The following RAB38 variants were observed in gnomAD, a reference collection of about 807,000 sequenced individuals.
The protein encoded by RAB38 is ras-related protein Rab-38.
In RAB38, 15 loss-of-function variants were observed where a neutral mutation model predicts 18.4. That is an observed-to-expected ratio of 0.82 (90% CI 0.55 to 1.26). The LOEUF is 1.26. Among genes scored for constraint, RAB38 ranks in the 50% most tolerant of loss-of-function variants. RAB38 has a pLI of 0.00. For synonymous variants in RAB38, 101 were observed against 104.4 expected (o/e 0.97, Z 0.20); for missense variants, 294 against 267.4 (o/e 1.10, Z -0.69).
intron 2 of RAB38, among the ~76,000 whole-genome samples, chr11:88,149,432 A>C (rs961756140): frequency 9.9e-5 from 15 of 152,230 alleles, no homozygotes; most frequent in African/African-American, 3.4e-4. Flanking sequence ...ATAGTTATCA[A>C]CTATTACTAT....
At chr11:88,027,653 G>T in the RAB38 span, among the ~76,000 whole-genome samples, 1 of 150,038 alleles carries the variant, frequency 6.7e-6, no homozygotes, top group Non-Finnish European at 1.5e-5. Flanking sequence ...ACTGCAAGGC[G>T]GCAGCGAGGC....
chr11:87,908,651 A>AT, the RAB38 span, among the ~76,000 whole-genome samples: 10 of 151,852 alleles, frequency 6.6e-5, no homozygotes, highest in Non-Finnish European at 1.2e-4. Flanking sequence ...AGGTTGAGTC[A>AT]TTTTTTTTAA....
At chr11:88,032,077 A>T in the RAB38 span, among the ~76,000 whole-genome samples, 2 of 151,602 alleles carry the variant, frequency 1.3e-5, no homozygotes, top group East Asian at 1.9e-4. Context: ...ATAATGCCGC[A>T]TATCTACAAC....
At chr11:87,828,942 ACT>A in the RAB38 span, among the ~76,000 whole-genome samples, 1 of 152,164 alleles carries the variant, frequency 6.6e-6, no homozygotes, top group East Asian at 1.9e-4. Context: ...GAAAAGGCAA[ACT>A]CTATAACAAT....
downstream of RAB38, among the ~76,000 whole-genome samples, chr11:88,110,922 C>T (rs1942465944): frequency 6.6e-6 from 1 of 151,956 alleles, no homozygotes; most frequent in Non-Finnish European, 1.5e-5. Flanking sequence ...AGGTGGATCA[C>T]TTGAGGCCAG....
the RAB38 span, among the ~76,000 whole-genome samples, chr11:88,055,695 A>T: frequency 1.3e-5 from 2 of 152,190 alleles, no homozygotes; most frequent in Non-Finnish European, 2.9e-5. Flanking sequence ...AGCTGGGAAA[A>T]CTTGGCCAAA....
At chr11:87,951,745 T>C in the RAB38 span, among the ~76,000 whole-genome samples, 1 of 152,206 alleles carries the variant, frequency 6.6e-6, no homozygotes, top group East Asian at 1.9e-4. Context: ...GCTCCCTGAT[T>C]GTTCCTCTGG....
the RAB38 span, among the ~76,000 whole-genome samples, chr11:87,961,814 G>C: frequency 6.6e-6 from 1 of 152,124 alleles, no homozygotes; most frequent in Non-Finnish European, 1.5e-5. Context: ...ATGTGTCATG[G>C]GCTGTCTAAA....
At chr11:87,905,238 T>A in the RAB38 span, among the ~76,000 whole-genome samples, 1 of 151,898 alleles carries the variant, frequency 6.6e-6, no homozygotes, top group South Asian at 2.1e-4. Context: ...ATTTTTCTAT[T>A]GAAATCTTGT....
At chr11:88,061,915 A>G in the RAB38 span, 1 of 152,186 alleles carries the variant, frequency 6.6e-6, no homozygotes, top group East Asian at 1.9e-4. Context: ...CTACCCTGAA[A>G]TAGGGTCTTT....
intron 1 of RAB38, among the ~76,000 whole-genome samples, chr11:88,171,512 A>C (rs1943311581): frequency 6.6e-6 from 1 of 152,226 alleles, no homozygotes; most frequent in African/African-American, 2.4e-5. Context: ...AATATATTTA[A>C]ACTATGTCTG....
At chr11:88,084,825 C>T in the RAB38 span, among the ~76,000 whole-genome samples, 4 of 151,794 alleles carry the variant, frequency 2.6e-5, no homozygotes, top group Non-Finnish European at 5.9e-5. Context: ...AATACCATTA[C>T]CTAATACACT....
chr11:87,946,958 A>G, the RAB38 span, among the ~76,000 whole-genome samples: 1 of 151,462 alleles, frequency 6.6e-6, no homozygotes, highest in Admixed American at 6.6e-5. Flanking sequence ...TCCCTGAGGA[A>G]TCGCCACACT....
intron 2 of RAB38, among the ~76,000 whole-genome samples, chr11:88,125,690 CT>C (rs751336832): frequency 6.6e-6 from 1 of 152,176 alleles, no homozygotes; most frequent in Non-Finnish European, 1.5e-5. Flanking sequence ...ATGGTAGTTT[CT>C]TTTGCTGTGC....
chr11:87,941,243 A>ATATATG, the RAB38 span, among the ~76,000 whole-genome samples: 5 of 133,710 alleles, frequency 3.7e-5, no homozygotes, highest in Non-Finnish European at 8.0e-5. Flanking sequence ...ATATATATAT[A>ATATATG]TATGTAACTT....
At chr11:88,029,080 T>C in the RAB38 span, among the ~76,000 whole-genome samples, 2 of 152,106 alleles carry the variant, frequency 1.3e-5, no homozygotes, top group East Asian at 3.9e-4. Flanking sequence ...ATATTCAACA[T>C]TCTTAAAGAA....
the RAB38 span, among the ~76,000 whole-genome samples, chr11:88,031,783 T>G: frequency 6.6e-6 from 1 of 152,042 alleles, no homozygotes; most frequent in Admixed American, 6.5e-5. Context: ...AGAATCAATA[T>G]CGTGAAAATG....
At chr11:87,973,770 T>C in the RAB38 span, among the ~76,000 whole-genome samples, 1 of 147,344 alleles carries the variant, frequency 6.8e-6, no homozygotes. Context: ...GAAAATGCCA[T>C]AGGTCATTCA....
chr11:87,862,504 A>G, the RAB38 span, among the ~76,000 whole-genome samples: 2 of 151,902 alleles, frequency 1.3e-5, no homozygotes, highest in East Asian at 1.9e-4. Flanking sequence ...ACTGGGGCCT[A>G]TCAGAGGGTA....
Sources: allele counts gnomAD v4.1 joint callset (sites outside exome capture counted in the v4.1 genomes callset), GRCh38; gene constraint gnomAD v4.1.1; transcripts MANE v1.5; gene names NCBI Gene and HGNC (gene_info 2026-07-23, HGNC 2026-07-21).